NKAIN2: variants seen among roughly 807,000 people sequenced by gnomAD.
NKAIN2 encodes sodium/potassium-transporting ATPase subunit beta-1-interacting protein 2.
Under a neutral mutation model 32.6 loss-of-function variants are expected in NKAIN2, and 14 were observed. The observed-to-expected ratio is 0.43, with a 90% confidence interval of 0.28 to 0.67. The LOEUF is 0.67. Ranked by LOEUF, NKAIN2 falls within the 30% of genes least tolerant of loss-of-function variation. The probability of loss-of-function intolerance (pLI) is 0.17; values close to 1 mark genes in which losing one functional copy is unlikely to be tolerated. For missense variants in NKAIN2, 198 were observed against 258.3 expected, an observed-to-expected ratio of 0.77 and a Z score of 1.60; for synonymous variants, 80 against 87.2, an observed-to-expected ratio of 0.92 and a Z score of 0.46.
chr6:124,666,345 G>C (rs570555338), intron 4 of NKAIN2, among the ~76,000 whole-genome samples: 2 of 152,244 alleles, frequency 1.3e-5, no homozygotes, highest in South Asian at 4.1e-4. Context: ...ACATTTCTGG[G>C]CACAGCTCAG....
chr6:124,306,715 A>G (rs1031612211), intron 2 of NKAIN2, among the ~76,000 whole-genome samples: 3 of 152,152 alleles, frequency 2.0e-5, no homozygotes, highest in Non-Finnish European at 4.4e-5. Context: ...GAAGTATACA[A>G]TAAAAAATTC....
intron 5 of NKAIN2, among the ~76,000 whole-genome samples, chr6:124,817,181 G>A (rs1004881723): frequency 6.6e-6 from 1 of 152,052 alleles, no homozygotes; most frequent in African/African-American, 2.4e-5. Context: ...GCCCAGGACA[G>A]CTTTGAATAC....
intron 1 of NKAIN2, among the ~76,000 whole-genome samples, chr6:123,934,312 C>G (rs1776402460): frequency 6.6e-6 from 1 of 152,114 alleles, no homozygotes; most frequent in Non-Finnish European, 1.5e-5. Context: ...CTGTGATGCT[C>G]ATGCCATTAT....
chr6:124,009,832 C>T (rs1780240032), intron 1 of NKAIN2, among the ~76,000 whole-genome samples: 2 of 151,954 alleles, frequency 1.3e-5, no homozygotes, highest in South Asian at 4.2e-4. Context: ...CTGCAGTCAC[C>T]CCATATACAT....
intron 4 of NKAIN2, among the ~76,000 whole-genome samples, chr6:124,741,051 AG>A (rs752189557): frequency 4.6e-5 from 7 of 151,762 alleles, no homozygotes; most frequent in African/African-American, 7.2e-5. Context: ...GCTCAAAAGA[AG>A]TGTATGAGAA....
chr6:123,982,428 T>G lies in NKAIN2; in HGVS notation c.54+178174T>G, dbSNP rs151142115. ...AGGAGAGATTTAACTGCATAGGGCT[T>G]AGATGAGGAGGAATTGGTTATGATA... is the stretch of plus-strand genomic sequence containing the variant. On this transcript the variant is annotated intron_variant, in intron 1 of 6. Coordinates refer to ENST00000368417, the MANE Select transcript of NKAIN2 (RefSeq NM_001040214.3). 2.7e-3 allele frequency among the ~76,000 whole-genome samples: 404 copies of G among 152,262 alleles called. 3 individuals are homozygous for G. The highest frequency in any genetic ancestry group is 8.7e-3 in the African/African-American group (362 of 41,562).
At chr6:124,028,695 A>G (rs78040248) in intron 1 of NKAIN2, among the ~76,000 whole-genome samples, 7,191 of 149,038 alleles carry the variant, frequency 0.048, 611 homozygotes, top group African/African-American at 0.17. Flanking sequence ...GTTTATATAC[A>G]TGTATACACG....
intron 1 of NKAIN2, among the ~76,000 whole-genome samples, chr6:124,044,485 A>T (rs1422821257): frequency 6.6e-6 from 1 of 152,034 alleles, no homozygotes; most frequent in Non-Finnish European, 1.5e-5. Flanking sequence ...TACTACTGAG[A>T]TATGGACATT....
intron 2 of NKAIN2, among the ~76,000 whole-genome samples, chr6:124,329,403 A>C (rs1797558303): frequency 1.3e-5 from 2 of 152,214 alleles, no homozygotes; most frequent in African/African-American, 4.8e-5. Context: ...AAGAATTTAA[A>C]GTAACTGGGT....
intron 3 of NKAIN2, among the ~76,000 whole-genome samples, chr6:124,533,799 G>T (rs529059824): frequency 6.6e-6 from 1 of 152,258 alleles, no homozygotes; most frequent in South Asian, 2.1e-4. Flanking sequence ...AGTTTGGGAA[G>T]CTGAGAAGTC....
rs577585874 is a variant in NKAIN2 at position 124,798,783 on chromosome 6, G to A, written c.535+7384G>A. Among the ~76,000 whole-genome samples, 5 of 152,194 alleles carry A rather than the reference G, an allele frequency of 3.3e-5. No homozygotes were observed. In the East Asian group the frequency reaches 9.7e-4, roughly 29 times the overall value. ...AGAAAGATTAAATGACTTGCCCAAAGCCACTAGCTCATTCATGACCTTCCG... is the reference window on the plus strand; with the variant it reads ...AGAAAGATTAAATGACTTGCCCAAAACCACTAGCTCATTCATGACCTTCCG... On this transcript the variant is annotated intron_variant, in intron 5 of 6. Transcript: ENST00000368417.
At chr6:124,547,265 A>T (rs1780127039) in intron 3 of NKAIN2, among the ~76,000 whole-genome samples, 2 of 152,340 alleles carry the variant, frequency 1.3e-5, no homozygotes, top group Middle Eastern at 3.4e-3. Context: ...AAACTGTTAA[A>T]ATATCACCAG....
intron 3 of NKAIN2, among the ~76,000 whole-genome samples, chr6:124,656,277 C>T (rs181252795): frequency 1.3e-5 from 2 of 152,176 alleles, no homozygotes; most frequent in African/African-American, 4.8e-5. Context: ...CTATAGTTTC[C>T]AAAGAAGTCT....
intron 1 of NKAIN2, among the ~76,000 whole-genome samples, chr6:124,094,244 G>C (rs187061861): frequency 2.6e-4 from 40 of 152,236 alleles, no homozygotes; most frequent in Non-Finnish European, 1.3e-4. Flanking sequence ...TTGTTCTCTA[G>C]TTGTTGCATG....
intron 1 of NKAIN2, among the ~76,000 whole-genome samples, chr6:124,231,130 A>G (rs1792433024): frequency 6.6e-6 from 1 of 152,252 alleles, no homozygotes; most frequent in Non-Finnish European, 1.5e-5. Context: ...ACGGTGTCAA[A>G]GGAAATCATT....
At chr6:123,947,261 G>C (rs1777105197) in intron 1 of NKAIN2, among the ~76,000 whole-genome samples, 1 of 152,116 alleles carries the variant, frequency 6.6e-6, no homozygotes, top group South Asian at 2.1e-4. Context: ...ACAATACTTG[G>C]ACTTTTTCTA....
chr6:123,900,003 C>A lies in NKAIN2; in HGVS notation c.54+95749C>A, dbSNP rs372238586. Reference sequence around the variant, plus strand: ...GCTCGACCTGCTTAGCGAGGCTGGGCTTACCTGTTGGCCTGGAACCCTCAA... The same window carrying A: ...GCTCGACCTGCTTAGCGAGGCTGGGATTACCTGTTGGCCTGGAACCCTCAA... On this transcript the variant is annotated intron_variant, in intron 1 of 6. Coordinates refer to ENST00000368417, the MANE Select transcript of NKAIN2 (RefSeq NM_001040214.3). Among the ~76,000 whole-genome samples, 45 of 152,266 alleles carry A rather than the reference C, an allele frequency of 3.0e-4. 1 individual carries two copies. Among genetic ancestry groups the A allele is most frequent in the African/African-American group, 1.1e-3 (44 of 41,552 alleles).
intron 3 of NKAIN2, among the ~76,000 whole-genome samples, chr6:124,469,868 G>A (rs535755477): frequency 1.6e-4 from 25 of 152,190 alleles, no homozygotes; most frequent in African/African-American, 5.3e-4. Context: ...TCTTCTCCCC[G>A]TCACCTCTTC....
intron 1 of NKAIN2, among the ~76,000 whole-genome samples, chr6:124,132,956 C>G (rs1562376608): frequency 6.6e-6 from 1 of 152,198 alleles, no homozygotes; most frequent in East Asian, 1.9e-4. Context: ...AGAATCTGAA[C>G]AGTGGGCCTC....
Sources: allele counts gnomAD v4.1 joint callset (sites outside exome capture counted in the v4.1 genomes callset), GRCh38; gene constraint gnomAD v4.1.1; transcripts MANE v1.5; gene names NCBI Gene and HGNC (gene_info 2026-07-23, HGNC 2026-07-21).